Variants in STAG2 observed in about 807,000 individuals in gnomAD.
The protein encoded by STAG2 is STAG2 cohesin complex component, also known as cohesin subunit SA-2.
Under a neutral mutation model 108.1 loss-of-function variants are expected in STAG2, and 14 were observed. The observed-to-expected ratio is 0.13, with a 90% CI of 0.09 to 0.20. STAG2 has a LOEUF of 0.20. Among genes scored for constraint, STAG2 ranks in the 10% least tolerant of loss-of-function variants. STAG2 has a pLI of 1.00. For synonymous variants in STAG2, 307 were observed against 302.7 expected (o/e 1.01, Z -0.15); for missense variants, 440 against 940.9 (o/e 0.47, Z 6.96).
chrX:124,097,497 C>G (rs1324192729), intron 34 of STAG2, among the ~76,000 whole-genome samples: 1 of 111,576 alleles, frequency 9.0e-6, no homozygotes, highest in Non-Finnish European at 1.9e-5. Flanking sequence ...TGCATTTATT[C>G]AACAATTTAT....
intron 16 of STAG2, among the ~76,000 whole-genome samples, 199 bp downstream of exon 16, chrX:124,061,540 G>C (rs1467509257): frequency 9.0e-6 from 1 of 110,565 alleles, no homozygotes; most frequent in African/African-American, 3.3e-5. Flanking sequence ...TTTGTATCTG[G>C]GTTATTTTTT....
chrX:123,985,599 T>C lies in STAG2; in HGVS notation c.-163+23743T>C, dbSNP rs150568858. On this transcript the variant is annotated intron_variant, in intron 1 of 34. Transcript: ENST00000371145. ...TATTTTTTATTTTTAGACACGATTTTGCTCTGTTGCCCAGACTGGAATACA... is the reference window on the plus strand; with the variant it reads ...TATTTTTTATTTTTAGACACGATTTCGCTCTGTTGCCCAGACTGGAATACA... 5.9e-3 allele frequency among the ~76,000 whole-genome samples: 649 copies of C among 110,236 alleles called. 5 individuals carry two copies. The highest frequency in any genetic ancestry group is 0.02 in the African/African-American group (603 of 30,262).
At chrX:124,074,536 C>T (rs1280401568) in intron 25 of STAG2, among the ~76,000 whole-genome samples, 1 of 111,597 alleles carries the variant, frequency 9.0e-6, no homozygotes, top group Non-Finnish European at 1.9e-5. Flanking sequence ...TTTTACCCTC[C>T]TTCCAGCAGC....
intron 1 of STAG2, among the ~76,000 whole-genome samples, chrX:124,006,597 C>T (rs1346673419): frequency 9.1e-6 from 1 of 109,809 alleles, no homozygotes; most frequent in Non-Finnish European, 1.9e-5. Context: ...CACCACCACG[C>T]CCGGCTAATT....
At chrX:124,089,189 G>C (rs949689957) in intron 30 of STAG2, among the ~76,000 whole-genome samples, 1 of 111,693 alleles carries the variant, frequency 9.0e-6, no homozygotes, top group Non-Finnish European at 1.9e-5. Flanking sequence ...GATTATAGGC[G>C]TGAGCCACTA....
intron 19 of STAG2, 48 bp from the exon 20 acceptor site, chrX:124,063,800 C>T (rs2148324649): frequency 9.0e-7 from 1 of 1,115,875 alleles, no homozygotes; most frequent in East Asian, 3.0e-5. Flanking sequence ...TCACTTTATA[C>T]CTATCATATA....
chrX:124,062,532 G>A (rs1360515716), intron 17 of STAG2, among the ~76,000 whole-genome samples: 2 of 111,961 alleles, frequency 1.8e-5, no homozygotes, highest in African/African-American at 6.5e-5. Context: ...TATGTGTCAT[G>A]TCCCACAGCC....
intron 1 of STAG2, among the ~76,000 whole-genome samples, chrX:123,981,313 C>G (rs1421413660): frequency 9.1e-6 from 1 of 109,603 alleles, no homozygotes; most frequent in African/African-American, 3.3e-5. Context: ...CTCCCTCCCT[C>G]CCTCGCTCCC....
chrX:123,973,949 A>G (rs1219331709), intron 1 of STAG2, among the ~76,000 whole-genome samples: 1 of 111,683 alleles, frequency 9.0e-6, no homozygotes, highest in East Asian at 2.8e-4. Context: ...TTGTCACTAC[A>G]GAAGGGTTAA....
intron 1 of STAG2, among the ~76,000 whole-genome samples, chrX:123,995,854 G>T (rs1379711835): frequency 8.9e-6 from 1 of 112,247 alleles, no homozygotes; most frequent in Non-Finnish European, 1.9e-5. Flanking sequence ...CTTAGCAAGA[G>T]TTCAGATAGT....
rs36097834 is a variant in STAG2, at chrX:124,061,743, C to CTTTTTT, written c.1535-8_1535-3dup. ...GAAGAAATAAGCTAACTCTTTCTGA[C>CTTTTTT]TTTTTTTTTTTTTTTTTTTTTTTTT... On this transcript the variant is annotated intron_variant, in intron 16 of 34. Coordinates refer to ENST00000371145, the MANE Select transcript of STAG2 (RefSeq NM_001042750.2). 169 of 474,231 alleles carry CTTTTTT rather than the reference C, an allele frequency of 3.6e-4. 3 individuals are homozygous for CTTTTTT. The highest frequency in any genetic ancestry group is 9.7e-4 in the African/African-American group (24 of 24,786). The allele number at this position is 474,231 out of a possible 1,213,427, so 39.1% of individuals were successfully genotyped here. A position where few individuals can be genotyped will look rare whatever the true frequency, so the allele number is the denominator to read the frequency against.
At chrX:124,013,313 A>C (rs1446880485) in intron 1 of STAG2, among the ~76,000 whole-genome samples, 1 of 98,969 alleles carries the variant, frequency 1.0e-5, no homozygotes, top group Non-Finnish European at 2.1e-5. Context: ...ACATGCACAC[A>C]CACACACACA....
chrX:124,039,536 CCTCCAAAGTG>C (rs1367803631), intron 6 of STAG2, among the ~76,000 whole-genome samples: 1 of 110,672 alleles, frequency 9.0e-6, no homozygotes, highest in East Asian at 2.8e-4. Flanking sequence ...CCCACCTCAG[CCTCCAAAGTG>C]CTGGGATTAC....
At chrX:124,076,844 G>A (rs779450700) in intron 26 of STAG2, among the ~76,000 whole-genome samples, 3 of 109,827 alleles carry the variant, frequency 2.7e-5, no homozygotes, top group Non-Finnish European at 5.7e-5. Flanking sequence ...TGCATCTTGC[G>A]ACCTTGAATA....
At chrX:123,980,814 A>G (rs113040687) in intron 1 of STAG2, among the ~76,000 whole-genome samples, 1,424 of 112,507 alleles carry the variant, frequency 0.013, 24 homozygotes, top group African/African-American at 0.043. Flanking sequence ...TTAGGATAAT[A>G]CAATACTGCA....
chrX:124,068,353 T>G (rs1339664846), intron 23 of STAG2, among the ~76,000 whole-genome samples: 2 of 111,714 alleles, frequency 1.8e-5, no homozygotes, highest in East Asian at 5.6e-4. Context: ...ATGTACCTCA[T>G]ATTTTTAAGG....
rs922795018 is a variant in STAG2, at chrX:124,076,191, T to G, written c.2534-141T>G. On this transcript the variant is annotated intron_variant, in intron 25 of 34. Coordinates refer to ENST00000371145, the MANE Select transcript of STAG2 (RefSeq NM_001042750.2). ...CAAAAATTTAGTCTATTGGAATAAA[T>G]TATGAATGGTTATAATTTTAATTTT... 4.3e-5 allele frequency: 25 copies of G among 577,911 alleles called. No homozygotes were observed. The African/African-American group carries it at 5.4e-4, about 12-fold the overall frequency. The allele number at this position is 577,911 out of a possible 1,213,427, so 47.6% of individuals were successfully genotyped here. A position where few individuals can be genotyped will look rare whatever the true frequency, so the allele number is the denominator to read the frequency against.
At chrX:124,084,271 T>A (rs917049518) in intron 29 of STAG2, among the ~76,000 whole-genome samples, 1 of 111,417 alleles carries the variant, frequency 9.0e-6, no homozygotes, top group African/African-American at 3.3e-5. Context: ...TGATAAAAAT[T>A]ACAGTAACGG....
intron 3 of STAG2, among the ~76,000 whole-genome samples, 196 bp downstream of exon 3, chrX:124,022,867 T>C (rs1427885672): frequency 8.9e-6 from 1 of 112,365 alleles, no homozygotes; most frequent in Non-Finnish European, 1.9e-5. Flanking sequence ...TGTTGTTGTG[T>C]TTTAAATTTG....
Sources: allele counts gnomAD v4.1 joint callset (sites outside exome capture counted in the v4.1 genomes callset), GRCh38; gene constraint gnomAD v4.1.1; transcripts MANE v1.5; gene names NCBI Gene and HGNC (gene_info 2026-07-23, HGNC 2026-07-21).